Variants in ANO2 observed in about 807,000 individuals in gnomAD.
The protein encoded by ANO2 is anoctamin 2, also known as anoctamin-2.
ANO2 carries 101 observed loss-of-function variants against 124.2 expected under a neutral mutation model. The ratio of observed to expected loss-of-function variants is 0.81; its 90% CI spans 0.69 to 0.96. The LOEUF is 0.96. Among genes scored for constraint, ANO2 ranks in the 40% least tolerant of loss-of-function variants. ANO2 has a pLI of 0.00. For synonymous variants in ANO2, 486 were observed against 482.5 expected (o/e 1.01, Z -0.09); for missense variants, 1,293 against 1,274.5 (o/e 1.01, Z -0.22).
rs1955013785 is a variant in ANO2, at chr12:5,854,104, G to C, written c.572C>G (p.Ala191Gly). ...SQGSIFVRIH[A>G]PWQVLAREAE... ...CTCTCTGGCCAGCACCTGCCACGGGGCGTGTATCCGGACAAAGATGGATCC... is the reference window on the plus strand; with the variant it reads ...CTCTCTGGCCAGCACCTGCCACGGGCCGTGTATCCGGACAAAGATGGATCC... The change falls in exon 4 of 25, where the codon GCC becomes GGC. Residue 191 changes from alanine (A) to glycine (G), a missense_variant. Ala to Gly is a moderately conservative substitution (Grantham distance 60, BLOSUM62 0). Transcript: ENST00000682330. The C allele has an allele frequency of 1.9e-6, 3 of 1,613,488 alleles. No individual in the cohort carries two copies. The highest frequency in any genetic ancestry group is 2.5e-6 in the Non-Finnish European group (3 of 1,179,604).
intron 10 of ANO2, among the ~76,000 whole-genome samples, chr12:5,784,525 A>T (rs1952488817): frequency 6.6e-6 from 1 of 152,166 alleles, no homozygotes; most frequent in African/African-American, 2.4e-5. Context: ...CCTGCACTGG[A>T]GGGGCCAAGC....
At chr12:5,670,600 T>G (rs1947949329) in intron 14 of ANO2, among the ~76,000 whole-genome samples, 1 of 152,190 alleles carries the variant, frequency 6.6e-6, no homozygotes, top group South Asian at 2.1e-4. Context: ...AGTGGCACAA[T>G]CATAGCTCAC....
At chr12:5,772,438 T>C (rs867243749) in intron 10 of ANO2, among the ~76,000 whole-genome samples, 4 of 152,356 alleles carry the variant, frequency 2.6e-5, no homozygotes, top group Middle Eastern at 3.4e-3. Context: ...GAATAAAAGA[T>C]AATTATTAGA....
intron 19 of ANO2, among the ~76,000 whole-genome samples, chr12:5,606,952 A>G (rs1233323802): frequency 6.6e-6 from 1 of 152,212 alleles, no homozygotes; most frequent in Non-Finnish European, 1.5e-5. Flanking sequence ...AGAAGTAAAG[A>G]ATCAACTAAA....
chr12:5,866,293 T>C (rs34809050), intron 3 of ANO2, among the ~76,000 whole-genome samples: 30,368 of 151,878 alleles, frequency 0.2, 3,221 homozygotes, highest in Middle Eastern at 0.23. Flanking sequence ...AGTGAGAAAA[T>C]AAAAGATGAA....
chr12:5,747,527 C>T (rs1951303723), intron 11 of ANO2, among the ~76,000 whole-genome samples: 1 of 152,174 alleles, frequency 6.6e-6, no homozygotes, highest in African/African-American at 2.4e-5. Context: ...TTTACACCTT[C>T]CTGACTTGCC....
At chr12:5,759,643 G>A (rs530159788) in intron 10 of ANO2, among the ~76,000 whole-genome samples, 2 of 149,678 alleles carry the variant, frequency 1.3e-5, no homozygotes, top group East Asian at 3.9e-4. Flanking sequence ...AGAATCTAAT[G>A]CCTGATGATC....
chr12:5,659,125 G>A (rs1327941147), intron 14 of ANO2, among the ~76,000 whole-genome samples: 1 of 152,012 alleles, frequency 6.6e-6, no homozygotes, highest in Non-Finnish European at 1.5e-5. Context: ...CTCTCTCTCT[G>A]CTGGGTGAGC....
In ANO2 at chr12:5,945,256, T is replaced by C. The variant is rs1036051625; in HGVS notation, c.-39A>G. ...ACCCCGCCGGCCCGCGGCCGCGCGCTTCTGGGCAGGCTTATGCCGCCGCGG... is the reference window on the plus strand; with the variant it reads ...ACCCCGCCGGCCCGCGGCCGCGCGCCTCTGGGCAGGCTTATGCCGCCGCGG... On this transcript the variant is annotated 5_prime_UTR_variant, in exon 1 of 25. Coordinates refer to ENST00000682330, the MANE Select transcript of ANO2 (RefSeq NM_001364791.2). 6.2e-6 allele frequency: 8 copies of C among 1,282,418 alleles called. No homozygotes were observed. The highest frequency in any genetic ancestry group is 6.1e-5 in the African/African-American group (4 of 65,626). 79.4% of individuals were successfully genotyped at this position (1,282,418 alleles called of 1,614,324 possible).
At chr12:5,828,335 G>A (rs956795089) in intron 6 of ANO2, among the ~76,000 whole-genome samples, 1 of 152,200 alleles carries the variant, frequency 6.6e-6, no homozygotes, top group Non-Finnish European at 1.5e-5. Context: ...GAACGTGGAG[G>A]TAGGTGCAGA....
intron 14 of ANO2, among the ~76,000 whole-genome samples, chr12:5,699,468 A>C (rs545541347): frequency 6.6e-6 from 1 of 152,178 alleles, no homozygotes. Flanking sequence ...GGAACAACCC[A>C]TACCAGCCAC....
At chr12:5,695,789 C>A (rs1188955154) in intron 14 of ANO2, among the ~76,000 whole-genome samples, 1 of 151,592 alleles carries the variant, frequency 6.6e-6, no homozygotes. Flanking sequence ...TTTGTTGAGC[C>A]GAGATCTCAC....
intron 9 of ANO2, among the ~76,000 whole-genome samples, chr12:5,803,014 A>AAACCCTTTGCAAC (rs1214206182): frequency 6.6e-6 from 1 of 152,218 alleles, no homozygotes; most frequent in East Asian, 1.9e-4. Flanking sequence ...CAAGTGTTAA[A>AAACCCTTTGCAAC]AACCCTTTGC....
intron 14 of ANO2, among the ~76,000 whole-genome samples, chr12:5,676,252 A>C (rs531654390): frequency 1.3e-5 from 2 of 152,220 alleles, no homozygotes; most frequent in Non-Finnish European, 1.5e-5. Context: ...ACAAGATCTC[A>C]TGGACATATG....
In ANO2 at chr12:5,578,005, T is replaced by A; in HGVS notation, c.2389A>T (p.Ile797Phe). 1 of 1,613,696 alleles carries A rather than the reference T, an allele frequency of 6.2e-7. No individual in the cohort carries two copies. The highest frequency in any genetic ancestry group is 8.5e-7 in the Non-Finnish European group (1 of 1,179,732). ...ATTCCAGAGAGAATGTCAAACCAGATTCCTACAAGACAGAAAAGACAGCGT... is the reference window on the plus strand; with the variant it reads ...ATTCCAGAGAGAATGTCAAACCAGAATCCTACAAGACAGAAAAGACAGCGT... ...PDAVRTKDIG[I>F]WFDILSGIGK... The change falls in exon 22 of 25, where the codon ATC (isoleucine) becomes TTC (phenylalanine). Residue 797 changes from isoleucine (I) to phenylalanine (F), a missense_variant and splice_region_variant. Coordinates refer to ENST00000682330, the MANE Select transcript of ANO2 (RefSeq NM_001364791.2).
intron 13 of ANO2, among the ~76,000 whole-genome samples, chr12:5,735,308 T>C (rs553465437): frequency 6.6e-6 from 1 of 152,108 alleles, no homozygotes; most frequent in South Asian, 2.1e-4. Context: ...TTCCACGTGG[T>C]CAGTCTCCCC....
At position 5,744,216 on chromosome 12, in the gene ANO2, G is replaced by A. The variant is rs1336496616; in HGVS notation, c.1292C>T (p.Ala431Val). ...NLSSACGTAQ[A>V]SHLFDNPATV... ...GGCAGGGTTGTCAAACAGGTGGCTG[G>A]CCTGCGCGGTCCCACAGGCTGAGCT... The change falls in exon 12 of 25, where the codon GCC becomes GTC. Residue 431 changes from alanine to valine, a missense_variant. Physicochemically the swap from Ala to Val is moderately conservative, Grantham distance 64 (BLOSUM62 0). Transcript: ENST00000682330. The A allele has an allele frequency of 6.2e-7, 1 of 1,612,962 alleles. No individual in the cohort carries two copies. The highest frequency in any genetic ancestry group is 1.1e-5 in the South Asian group (1 of 91,084).
chr12:5,617,370 ACT>A, intron 16 of ANO2, among the ~76,000 whole-genome samples: 1 of 151,192 alleles, frequency 6.6e-6, no homozygotes, highest in Non-Finnish European at 1.5e-5. Context: ...AGTGTGCCAC[ACT>A]CTGCAGATCA....
intron 20 of ANO2, among the ~76,000 whole-genome samples, chr12:5,588,509 C>T (rs1468695189): frequency 6.6e-6 from 1 of 152,206 alleles, no homozygotes; most frequent in South Asian, 2.1e-4. Flanking sequence ...GGCCTCTTGG[C>T]TTTGAGGTGC....
Sources: gnomAD v4.1 joint callset for allele counts (sites outside exome capture counted in the v4.1 genomes callset) on GRCh38, gnomAD v4.1.1 for gene constraint, MANE v1.5 for transcripts, NCBI Gene and HGNC (gene_info 2026-07-23, HGNC 2026-07-21) for gene names.